The following CSNK1E variants were observed in gnomAD, a reference collection of about 807,000 sequenced individuals.
The protein encoded by CSNK1E is casein kinase I isoform epsilon.
CSNK1E carries 17 observed loss-of-function variants against 46.1 expected under a neutral mutation model. That is an observed-to-expected ratio of 0.37 (90% CI 0.25 to 0.55). The LOEUF is 0.55. Ranked by LOEUF, CSNK1E falls within the 20% of genes least tolerant of loss-of-function variation. The probability of loss-of-function intolerance (pLI) is 0.82; values close to 1 mark genes in which losing one functional copy is unlikely to be tolerated. For missense variants in CSNK1E, 386 were observed against 595.4 expected (o/e 0.65, Z 3.66); for synonymous variants, 241 against 242.6 (o/e 0.99, Z 0.06).
intron 10 of CSNK1E, 174 bp from the exon 11 acceptor site, chr22:38,292,112 G>C (rs575906192): frequency 6.6e-6 from 1 of 151,668 alleles, no homozygotes; most frequent in Non-Finnish European, 1.5e-5. Flanking sequence ...TCAGCGTCCC[G>C]AGTAGCTGAG....
chr22:38,299,815 G>A, intron 6 of CSNK1E, 80 bp downstream of exon 6: 1 of 1,515,012 alleles, frequency 6.6e-7, no homozygotes, highest in African/African-American at 1.4e-5. Flanking sequence ...GCCCCAGCGT[G>A]GGCTTTGTAT....
intron 9 of CSNK1E, chr22:38,293,761 G>A: frequency 2.5e-6 from 1 of 396,202 alleles, no homozygotes; most frequent in Non-Finnish European, 4.6e-6. Flanking sequence ...TCTTGCCAAT[G>A]CTCACAGGGG....
In CSNK1E at chr22:38,298,419, T is replaced by C. The variant is rs752661494; in HGVS notation, c.885+367A>G. Among the ~76,000 whole-genome samples the C allele has an allele frequency of 6.6e-6, 1 of 151,986 alleles. No homozygotes were observed. Among genetic ancestry groups the C allele is most frequent in the Admixed American group, 6.6e-5 (1 of 15,266 alleles). On this transcript the variant is annotated intron_variant, in intron 7 of 10. Coordinates refer to ENST00000396832, the MANE Select transcript of CSNK1E (RefSeq NM_152221.3). This position sits in a 1 kb window ranked among gnomAD's most constrained non-coding sequence, Gnocchi z 4.2. ...CTGGCCCGAGGGGCCATGGTGCAGG[T>C]AGCCACCTGGGATGTGCAGAACAGG...
rs1158438913 is a variant in CSNK1E at position 38,303,863 on chromosome 22, C to G, written c.77-615G>C. Among the ~76,000 whole-genome samples the G allele has an allele frequency of 3.3e-5, 5 of 152,170 alleles. No homozygotes were observed. Among genetic ancestry groups the G allele is most frequent in the Non-Finnish European group, 7.3e-5 (5 of 68,030 alleles). On this transcript the variant is annotated intron_variant, in intron 2 of 10. Coordinates refer to ENST00000396832, the MANE Select transcript of CSNK1E (RefSeq NM_152221.3). This position sits in a 1 kb window ranked among gnomAD's most constrained non-coding sequence, Gnocchi z 4.7. ...TCAAGGTCACCTGACCTGTAAATGG[C>G]GGCCTTGAGATCAACCCCGGCTCTG...
At position 38,303,307 on chromosome 22, in the gene CSNK1E, G is replaced by C. The variant is rs1037274546; in HGVS notation, c.77-59C>G. On this transcript the variant is annotated intron_variant, in intron 2 of 10. Coordinates refer to ENST00000396832, the MANE Select transcript of CSNK1E (RefSeq NM_152221.3). This position sits in a 1 kb window ranked among gnomAD's most constrained non-coding sequence, Gnocchi z 4.7. ...ACCCTCAAAGGCCAGGCAGTCCCAG[G>C]CGCCCCACTAAGCATTTCTGAGATC... The C allele has an allele frequency of 2.8e-6, 4 of 1,420,120 alleles. No individual in the cohort carries two copies. In the Admixed American group the frequency reaches 6.1e-5, roughly 22 times the overall value. 88.0% of individuals were successfully genotyped at this position (1,420,120 alleles called of 1,614,324 possible). A position where few individuals can be genotyped will look rare whatever the true frequency, so the allele number is the denominator to read the frequency against.
intron 9 of CSNK1E, 163 bp downstream of exon 9, chr22:38,293,946 T>C: frequency 1.2e-6 from 1 of 808,216 alleles, no homozygotes. Flanking sequence ...TCATCAGACC[T>C]CAGAGGATTA....
chr22:38,307,723 G>A (rs1386034969), intron 2 of CSNK1E, among the ~76,000 whole-genome samples: 1 of 152,094 alleles, frequency 6.6e-6, no homozygotes. Flanking sequence ...TTGAGACAGG[G>A]TCTCAATCTG....
intron 2 of CSNK1E, among the ~76,000 whole-genome samples, chr22:38,313,612 G>A (rs1010139387): frequency 4.6e-5 from 7 of 152,136 alleles, no homozygotes; most frequent in Non-Finnish European, 8.8e-5. Context: ...CCCCACCCCC[G>A]AGGTTACAGG....
intron 2 of CSNK1E, among the ~76,000 whole-genome samples, chr22:38,304,440 T>A (rs2092688986): frequency 6.6e-6 from 1 of 152,142 alleles, no homozygotes; most frequent in African/African-American, 2.4e-5. Context: ...CCTGTGCACC[T>A]CTTGGGTGAA....
rs2092627201 is a variant in CSNK1E, at chr22:38,294,189, G to A, written c.1138C>T (p.Leu380=). The change falls in exon 9 of 11, where the codon CTG becomes TTG. Residue 380 remains leucine (L), a synonymous_variant. Coordinates refer to ENST00000396832, the MANE Select transcript of CSNK1E (RefSeq NM_152221.3). The surrounding 1 kb of genome is among the most constrained non-coding windows in gnomAD (Gnocchi z 5.5). The stretch of plus-strand genomic sequence containing the variant: ...ACGTTGGCGGGCGCACCCCTGTGCA[G>A]CCTCATACTCACCTTCCTCTCCCGG... The part of the protein sequence containing the change: ...VDRERKVSMR[L]HRGAPANVSS... 6.2e-7 allele frequency: 1 copy of A among 1,612,742 alleles called. No homozygotes were observed. The highest frequency in any genetic ancestry group is 2.2e-5 in the East Asian group (1 of 44,876).
At chr22:38,296,919 A>G in intron 7 of CSNK1E, 1 of 611,092 alleles carries the variant, frequency 1.6e-6, no homozygotes, top group Non-Finnish European at 2.9e-6. Flanking sequence ...GGATTACAGG[A>G]ACACACCACC....
In CSNK1E at chr22:38,304,379, G is replaced by C. The variant is rs189222457; in HGVS notation, c.77-1131C>G. ...ACAACCAGGAGAAATCTCAAGTAGAGGAAAAGTTTGTATATAAGAAATAAA... is the reference window on the plus strand; with the variant it reads ...ACAACCAGGAGAAATCTCAAGTAGACGAAAAGTTTGTATATAAGAAATAAA... On this transcript the variant is annotated intron_variant, in intron 2 of 10. Transcript: ENST00000396832. Among the ~76,000 whole-genome samples the C allele has an allele frequency of 2.6e-4, 40 of 152,142 alleles. 1 individual carries two copies. The highest frequency in any genetic ancestry group is 2.6e-3 in the Admixed American group (40 of 15,264).
rs1201320455 is a variant in CSNK1E at position 38,293,426 on chromosome 22, A to G, written c.1219-107T>C. 4 of 718,280 alleles carry G rather than the reference A, an allele frequency of 5.6e-6. No individual in the cohort carries two copies. In the African/African-American group the frequency reaches 7.0e-5, roughly 13 times the overall value. 44.5% of individuals were successfully genotyped at this position (718,280 alleles called of 1,614,324 possible). On this transcript the variant is annotated intron_variant, in intron 9 of 10. Transcript: ENST00000396832. ...ATAGAGATTTGGCAAGTCTCTCCCC[A>G]CTGAGGAGGTGTACCCCCACCCCCA...
intron 7 of CSNK1E, among the ~76,000 whole-genome samples, chr22:38,295,063 G>T (rs1440063190): frequency 2.0e-5 from 3 of 152,284 alleles, no homozygotes; most frequent in African/African-American, 7.2e-5. Flanking sequence ...CCTAGCCAGG[G>T]GCTCTTCTCA....
At chr22:38,317,532 C>G (rs1377389770), upstream of CSNK1E, 1 of 153,100 alleles carries the variant, frequency 6.5e-6, no homozygotes, top group East Asian at 1.9e-4. Flanking sequence ...AAAGGGCCCG[C>G]GCCCTCCGCG....
Position 38,294,386 on chromosome 22 carries a change from G to A in CSNK1E, c.1034C>T (p.Ala345Val). 6.4e-7 allele frequency: 1 copy of A among 1,556,412 alleles called. No homozygotes were observed. Among genetic ancestry groups the A allele is most frequent in the South Asian group, 1.2e-5 (1 of 85,410 alleles). The change falls in exon 8 of 11, where the codon GCC becomes GTC. Residue 345 changes from alanine (A) to valine (V), a missense_variant. Coordinates refer to ENST00000396832, the MANE Select transcript of CSNK1E (RefSeq NM_152221.3). This position sits in a 1 kb window ranked among gnomAD's most constrained non-coding sequence, Gnocchi z 5.5. The stretch of plus-strand genomic sequence containing the variant: ...GGCTGGCGTGGAAGCCACGGGCTCG[G>A]CGGCACTGCGGAGCCGGTTGGCAGT... ...GATANRLRSA[A>V]EPVASTPASR...
At chr22:38,295,411 A>G in intron 7 of CSNK1E, 1 of 985,208 alleles carries the variant, frequency 1.0e-6, no homozygotes, top group Non-Finnish European at 1.2e-6. Context: ...GGCCGTCCAC[A>G]GGGAAGGGCA....
chr22:38,301,980 A>C (rs535178935), intron 4 of CSNK1E, among the ~76,000 whole-genome samples: 2 of 152,282 alleles, frequency 1.3e-5, no homozygotes, highest in Non-Finnish European at 2.9e-5. Flanking sequence ...ATTTTTAAGA[A>C]GCTTTCCTCC....
Position 38,306,856 on chromosome 22 carries a change from G to A in CSNK1E, c.77-3608C>T, listed in dbSNP as rs2092700952. ...ACCATGGATCAAAAATACGTGGGGG[G>A]AGAAAATAAAAAATAACAACACAAC... On this transcript the variant is annotated intron_variant, in intron 2 of 10. Transcript: ENST00000396832. Among the ~76,000 whole-genome samples the A allele has an allele frequency of 3.3e-5, 5 of 152,350 alleles. 1 individual carries two copies. The South Asian group carries it at 1.0e-3, about 32-fold the overall frequency.
Sources: allele counts gnomAD v4.1 joint callset (sites outside exome capture counted in the v4.1 genomes callset), GRCh38; gene constraint gnomAD v4.1.1; non-coding constraint Gnocchi (gnomAD v3.1); transcripts MANE v1.5; gene names NCBI Gene and HGNC (gene_info 2026-07-23, HGNC 2026-07-21).